Variants in GLIS3 observed in about 807,000 individuals in gnomAD.
The protein encoded by GLIS3 is GLIS family zinc finger 3, also known as zinc finger protein GLIS3.
A neutral mutation model predicts 78.6 loss-of-function variants in GLIS3; 53 were observed. That is an observed-to-expected ratio of 0.67 (90% CI 0.54 to 0.85). The LOEUF (loss-of-function observed/expected upper bound fraction) is 0.85. GLIS3 is among the 40% of genes least tolerant of loss of function. The probability of loss-of-function intolerance (pLI) is 0.00; values close to 1 mark genes in which losing one functional copy is unlikely to be tolerated. For synonymous variants in GLIS3, 684 were observed against 509.9 expected (o/e 1.34, Z -4.60); for missense variants, 1,703 against 1,231.1 (o/e 1.38, Z -5.74).
intron 2 of GLIS3, among the ~76,000 whole-genome samples, chr9:4,255,978 C>T (rs1026767502): frequency 6.6e-6 from 1 of 152,112 alleles, no homozygotes; most frequent in South Asian, 2.1e-4. Context: ...TATGGGAAAT[C>T]TCTGTACCTG....
chr9:4,225,181 G>C (rs1464330159), intron 2 of GLIS3, among the ~76,000 whole-genome samples: 1 of 152,026 alleles, frequency 6.6e-6, no homozygotes, highest in African/African-American at 2.4e-5. Flanking sequence ...AATAAGATGA[G>C]ACCAGTTTTT....
At chr9:4,353,943 T>C in the GLIS3 span, among the ~76,000 whole-genome samples, 1 of 151,244 alleles carries the variant, frequency 6.6e-6, no homozygotes, top group African/African-American at 2.4e-5. Flanking sequence ...TTCTCCTGCC[T>C]CAGCCTACCC....
the GLIS3 span, among the ~76,000 whole-genome samples, chr9:4,487,290 C>A: frequency 1.3e-5 from 2 of 152,186 alleles, no homozygotes; most frequent in Non-Finnish European, 2.9e-5. Flanking sequence ...TTAAGAGATG[C>A]CTGTCCAGGT....
intron 9 of GLIS3, among the ~76,000 whole-genome samples, chr9:3,853,315 G>GC (rs1390658877): frequency 6.6e-6 from 1 of 152,134 alleles, no homozygotes; most frequent in Non-Finnish European, 1.5e-5. Context: ...AGAGTATTTT[G>GC]CCAAGAGGTA....
At chr9:3,990,672 A>T (rs894588643) in intron 4 of GLIS3, among the ~76,000 whole-genome samples, 5 of 152,180 alleles carry the variant, frequency 3.3e-5, no homozygotes, top group African/African-American at 4.8e-5. Flanking sequence ...TACTATACAG[A>T]AGAGGGAAGG....
intron 4 of GLIS3, among the ~76,000 whole-genome samples, chr9:3,947,472 T>A (rs1816380192): frequency 6.6e-6 from 1 of 152,230 alleles, no homozygotes; most frequent in Non-Finnish European, 1.5e-5. Flanking sequence ...TATGTGCATA[T>A]GCATTTGTGG....
intron 3 of GLIS3, among the ~76,000 whole-genome samples, chr9:4,122,801 T>G (rs1288644169): frequency 1.3e-5 from 2 of 152,238 alleles, no homozygotes; most frequent in Admixed American, 6.5e-5. Flanking sequence ...GAAACTGCTG[T>G]ATGATGTTAC....
chr9:3,953,798 TATATATATA>T (rs1563886739), intron 4 of GLIS3, among the ~76,000 whole-genome samples: 12 of 103,622 alleles, frequency 1.2e-4, no homozygotes, highest in African/African-American at 1.7e-4. Flanking sequence ...TCTCTCTCTA[TATATATATA>T]TATATATATA....
chr9:4,038,030 T>C (rs1164471299), intron 4 of GLIS3, among the ~76,000 whole-genome samples: 1 of 152,188 alleles, frequency 6.6e-6, no homozygotes, highest in Non-Finnish European at 1.5e-5. Flanking sequence ...AGAGTGTTTT[T>C]GTTTTTATTT....
chr9:4,075,486 G>A (rs12343743), intron 4 of GLIS3, among the ~76,000 whole-genome samples: 3 of 151,684 alleles, frequency 2.0e-5, no homozygotes, highest in African/African-American at 7.3e-5. Context: ...TGAGGCGGAA[G>A]AATGGTGTGA....
chr9:3,963,739 T>C (rs537604003), intron 4 of GLIS3, among the ~76,000 whole-genome samples: 21 of 152,256 alleles, frequency 1.4e-4, no homozygotes, highest in African/African-American at 5.1e-4. Flanking sequence ...CCAATCCAGA[T>C]TGATAATCTT....
chr9:3,835,443 C>T (rs1818291049), intron 9 of GLIS3, among the ~76,000 whole-genome samples: 1 of 152,208 alleles, frequency 6.6e-6, no homozygotes. Context: ...TGTTCCAAGA[C>T]CCCTTGATAT....
chr9:3,926,282 G>C (rs1471058235), intron 6 of GLIS3, among the ~76,000 whole-genome samples: 1 of 144,262 alleles, frequency 6.9e-6, no homozygotes, highest in Non-Finnish European at 1.5e-5. Flanking sequence ...CCACACTAGA[G>C]TGCAGTGGTG....
chr9:4,086,985 T>C (rs1205029398), intron 4 of GLIS3, among the ~76,000 whole-genome samples: 1 of 152,210 alleles, frequency 6.6e-6, no homozygotes, highest in Non-Finnish European at 1.5e-5. Context: ...CTGCATCCTC[T>C]ACAAAATCCT....
At chr9:4,374,617 G>A in the GLIS3 span, among the ~76,000 whole-genome samples, 6 of 152,144 alleles carry the variant, frequency 3.9e-5, no homozygotes, top group African/African-American at 1.2e-4. Context: ...GTGTGGTTCC[G>A]ACAAGGCTGT....
chr9:4,293,563 G>C (rs373875561), intron 1 of GLIS3, among the ~76,000 whole-genome samples: 1 of 152,302 alleles, frequency 6.6e-6, no homozygotes, highest in South Asian at 2.1e-4. Context: ...GGAATCTATC[G>C]GTCATGCTGA....
intron 4 of GLIS3, among the ~76,000 whole-genome samples, chr9:4,089,067 G>A (rs934582161): frequency 1.3e-5 from 2 of 152,222 alleles, no homozygotes; most frequent in African/African-American, 4.8e-5. Context: ...AAAACAAACT[G>A]TAAATGTTTG....
intron 2 of GLIS3, among the ~76,000 whole-genome samples, chr9:4,167,002 A>T (rs1169471648): frequency 6.6e-6 from 1 of 152,262 alleles, no homozygotes; most frequent in African/African-American, 2.4e-5. Context: ...TGTGAGGGTC[A>T]GGAGAAGGTG....
At chr9:4,270,082 A>G (rs1385266121) in intron 2 of GLIS3, among the ~76,000 whole-genome samples, 1 of 152,210 alleles carries the variant, frequency 6.6e-6, no homozygotes, top group African/African-American at 2.4e-5. Flanking sequence ...ACCTCTTATC[A>G]GCCATGTGAT....
Sources: gnomAD v4.1 joint callset for allele counts (sites outside exome capture counted in the v4.1 genomes callset) on GRCh38, gnomAD v4.1.1 for gene constraint, MANE v1.5 for transcripts, NCBI Gene and HGNC (gene_info 2026-07-23, HGNC 2026-07-21) for gene names.